Variants in C12orf50 observed in about 807,000 individuals in gnomAD.
C12orf50 encodes zinc finger CCCH-type containing 11D.
In C12orf50, 35 loss-of-function variants were observed where a neutral mutation model predicts 61.6. That is an observed-to-expected ratio of 0.57 (90% CI 0.43 to 0.75). The LOEUF (loss-of-function observed/expected upper bound fraction) is 0.75, where lower values mean the gene tolerates loss of function less well. Ranked by LOEUF, C12orf50 falls within the 30% of genes least tolerant of loss-of-function variation. The pLI, the probability that C12orf50 is intolerant of heterozygous loss-of-function variation, is 0.00. For missense variants in C12orf50, 475 were observed against 488.5 expected, an observed-to-expected ratio of 0.97 and a Z score of 0.26; for synonymous variants, 178 against 161.5, an observed-to-expected ratio of 1.10 and a Z score of -0.77.
At chr12:87,997,058 C>T (rs772801718) in intron 4 of C12orf50, among the ~76,000 whole-genome samples, 14 of 152,120 alleles carry the variant, frequency 9.2e-5, no homozygotes, top group East Asian at 1.9e-4. Flanking sequence ...AAAGACAGAT[C>T]GAGAGTTTTT....
intron 3 of C12orf50, among the ~76,000 whole-genome samples, chr12:88,011,279 C>G (rs1279717908): frequency 6.6e-6 from 1 of 151,902 alleles, no homozygotes; most frequent in African/African-American, 2.4e-5. Flanking sequence ...CCCCTGGGAC[C>G]CAAAGATTAG....
At position 87,987,881 on chromosome 12, in the gene C12orf50, G is replaced by A; in HGVS notation, c.786C>T (p.Ile262=). The change falls in exon 9 of 13, where the codon ATC becomes ATT. Residue 262 remains isoleucine (I), a synonymous_variant. Coordinates refer to ENST00000298699, the MANE Select transcript of C12orf50 (RefSeq NM_152589.3). ...AGGGGTCCTCTCTGCACTTCATACT[G>A]ATATTCTCAGTAGCATTTAATACAT... The part of the protein sequence containing the change: ...TTHVLNATEN[I]SMKCREDPSS... The A allele has an allele frequency of 6.2e-7, 1 of 1,609,950 alleles. No individual in the cohort carries two copies.
At position 87,996,498 on chromosome 12, in the gene C12orf50, A is replaced by G. The variant is rs1312787782; in HGVS notation, c.368-11T>C. On this transcript the variant is annotated splice_polypyrimidine_tract_variant and intron_variant, in intron 5 of 12. Transcript: ENST00000298699. ...ATCTGTAGTATTCCCCTAATCAACC[A>G]TAAGAAAAGTAATGGTTAGTATATT... The G allele has an allele frequency of 6.2e-6, 10 of 1,601,998 alleles. No individual in the cohort carries two copies. Among genetic ancestry groups the G allele is most frequent in the Non-Finnish European group, 8.6e-6 (10 of 1,169,566 alleles).
intron 3 of C12orf50, among the ~76,000 whole-genome samples, chr12:88,019,083 A>G (rs955218582): frequency 6.6e-5 from 10 of 152,102 alleles, no homozygotes; most frequent in Non-Finnish European, 5.9e-5. Context: ...GGGGCCAGGG[A>G]TGGAATGATA....
intron 1 of C12orf50, chr12:88,027,993 GC>G (rs1229672241): frequency 1.3e-5 from 2 of 152,136 alleles, no homozygotes; most frequent in Non-Finnish European, 2.9e-5. Flanking sequence ...GCCACCACTT[GC>G]CCATTGTCAC....
intron 3 of C12orf50, among the ~76,000 whole-genome samples, chr12:88,000,586 T>C (rs1016108104): frequency 2.0e-5 from 3 of 151,966 alleles, no homozygotes; most frequent in Non-Finnish European, 2.9e-5. Flanking sequence ...AATAGGTCCA[T>C]TGGGATTTTG....
rs146237760 is a variant in C12orf50, at chr12:88,012,387, C to G, written c.133+14101G>C. On this transcript the variant is annotated intron_variant, in intron 3 of 12. Coordinates refer to ENST00000298699, the MANE Select transcript of C12orf50 (RefSeq NM_152589.3). ...GTACAAAACACATAGGTTAAAAGAG[C>G]CTTTTGTATAAACGAATTATTTATA... Among the ~76,000 whole-genome samples the G allele has an allele frequency of 5.8e-3, 877 of 152,212 alleles. 6 individuals carry two copies. Among genetic ancestry groups the G allele is most frequent in the Non-Finnish European group, 9.4e-3 (636 of 68,002 alleles).
intron 7 of C12orf50, among the ~76,000 whole-genome samples, chr12:87,990,094 A>G (rs1031186499): frequency 6.6e-6 from 1 of 152,056 alleles, no homozygotes; most frequent in Non-Finnish European, 1.5e-5. Flanking sequence ...AACTCACTCT[A>G]TTTTCCCCTC....
At chr12:88,029,991 TCTGATTTCCAGAA>T (rs530515432), upstream of C12orf50, among the ~76,000 whole-genome samples, 4,355 of 152,294 alleles carry the variant, frequency 0.029, 220 homozygotes, top group Admixed American at 0.074. Flanking sequence ...AGGGAAATAC[TCTGATTTCCAGAA>T]TGAAACATTT....
At chr12:87,992,629 T>G (rs927132643) in intron 7 of C12orf50, among the ~76,000 whole-genome samples, 2 of 150,846 alleles carry the variant, frequency 1.3e-5, no homozygotes, top group Admixed American at 6.6e-5. Flanking sequence ...ATATTTCCAC[T>G]TATATAAAGG....
At position 87,996,477 on chromosome 12, in the gene C12orf50, G is replaced by A. The variant is rs141252744; in HGVS notation, c.378C>T (p.Tyr126=). The change falls in exon 6 of 13, where the codon TAC becomes TAT. Residue 126 remains tyrosine (Y), a synonymous_variant. Transcript: ENST00000298699. ...AAATATCTGGAGGAGTATGAAATCT[G>A]TAGTATTCCCCTAATCAACCATAAG... ...KEMCYKSGEY[Y]RFHTPPDILS... The A allele has an allele frequency of 4.1e-4, 663 of 1,610,100 alleles. 5 individuals carry two copies. The African/African-American group carries it at 8.3e-3, about 20-fold the overall frequency.
chr12:87,989,441 A>G, intron 7 of C12orf50, 70 bp from the exon 8 acceptor site: 1 of 1,032,522 alleles, frequency 9.7e-7, no homozygotes, highest in South Asian at 1.4e-5. Context: ...CAATACAGGA[A>G]CATTTTCTAC....
intron 3 of C12orf50, among the ~76,000 whole-genome samples, chr12:88,003,503 C>A (rs1246900690): frequency 2.6e-5 from 4 of 152,000 alleles, no homozygotes; most frequent in African/African-American, 9.7e-5. Flanking sequence ...AAACTGGCAA[C>A]AAATTCTCTC....
chr12:88,010,305 A>G (rs2032047499), intron 3 of C12orf50, among the ~76,000 whole-genome samples: 1 of 151,742 alleles, frequency 6.6e-6, no homozygotes. Flanking sequence ...GGCTCTTTGC[A>G]CTTCCATGTA....
At chr12:88,026,849 GA>G (rs983921851) in intron 2 of C12orf50, 101 bp downstream of exon 2, 64 of 1,488,100 alleles carry the variant, frequency 4.3e-5, no homozygotes, top group Non-Finnish European at 5.4e-5. Context: ...TCAAATAGTA[GA>G]AGGAAGAATG....
intron 11 of C12orf50, chr12:87,985,315 T>C (rs992805573): frequency 6.6e-6 from 1 of 152,530 alleles, no homozygotes; most frequent in Non-Finnish European, 1.5e-5. Context: ...TTCTCCCCTG[T>C]AACCTTGTAC....
chr12:87,989,993 T>C (rs2031041663), intron 7 of C12orf50, among the ~76,000 whole-genome samples: 1 of 152,168 alleles, frequency 6.6e-6, no homozygotes, highest in South Asian at 2.1e-4. Flanking sequence ...TATCTTTCTA[T>C]ACTGCCTCTA....
Position 87,998,127 on chromosome 12 carries a change from A to G in C12orf50, c.197T>C (p.Leu66Pro). 1 of 1,612,914 alleles carries G rather than the reference A, an allele frequency of 6.2e-7. No individual in the cohort carries two copies. The highest frequency in any genetic ancestry group is 8.5e-7 in the Non-Finnish European group (1 of 1,179,228). Reference sequence around the variant, plus strand: ...TCGTGATATATTTTCCTGAGGTTTCAGAGGTTCTTGACTCTGGGACTGGAG... The same window carrying G: ...TCGTGATATATTTTCCTGAGGTTTCGGAGGTTCTTGACTCTGGGACTGGAG... The part of the protein sequence containing the change: ...IPLQSQSQEP[L>P]KPQENISRPI... The change falls in exon 4 of 13, where the codon CTG (leucine) becomes CCG (proline). Residue 66 changes from leucine (L) to proline (P), a missense_variant. Transcript: ENST00000298699.
At chr12:88,025,355 C>T (rs934268280) in intron 3 of C12orf50, among the ~76,000 whole-genome samples, 1 of 152,052 alleles carries the variant, frequency 6.6e-6, no homozygotes, top group Non-Finnish European at 1.5e-5. Flanking sequence ...CAGAAGTTCT[C>T]TTCTTATTAA....
Sources: gnomAD v4.1 joint callset for allele counts (sites outside exome capture counted in the v4.1 genomes callset) on GRCh38, gnomAD v4.1.1 for gene constraint, MANE v1.5 for transcripts, NCBI Gene and HGNC (gene_info 2026-07-23, HGNC 2026-07-21) for gene names.